Variants in DPP10 observed in about 807,000 individuals in gnomAD.
DPP10 encodes dipeptidyl peptidase like 10, also known as inactive dipeptidyl peptidase 10.
Under a neutral mutation model 120.9 loss-of-function variants are expected in DPP10, and 33 were observed. That is an observed-to-expected ratio of 0.27 (90% CI 0.21 to 0.37). The LOEUF (loss-of-function observed/expected upper bound fraction) is 0.37, where lower values mean the gene tolerates loss of function less well. Among genes scored for constraint, DPP10 ranks in the 10% least tolerant of loss-of-function variants. DPP10 has a pLI of 1.00. For synonymous variants in DPP10, 337 were observed against 326.1 expected, an observed-to-expected ratio of 1.03 and a Z score of -0.36; for missense variants, 816 against 942.8, an observed-to-expected ratio of 0.87 and a Z score of 1.76.
chr2:115,178,190 G>T (rs1023410740), intron 1 of DPP10, among the ~76,000 whole-genome samples: 5 of 151,864 alleles, frequency 3.3e-5, no homozygotes, highest in Admixed American at 3.3e-4. Context: ...TGTTTACTGT[G>T]CCCTTGCCTA....
chr2:115,635,654 A>G (rs1461061267), intron 5 of DPP10, among the ~76,000 whole-genome samples: 1 of 152,176 alleles, frequency 6.6e-6, no homozygotes, highest in Non-Finnish European at 1.5e-5. Flanking sequence ...TTTGATAAGA[A>G]AGGTTATTTG....
chr2:115,827,644 G>A (rs1688514235), intron 21 of DPP10, among the ~76,000 whole-genome samples: 1 of 151,348 alleles, frequency 6.6e-6, no homozygotes, highest in Non-Finnish European at 1.5e-5. Context: ...TGCCCAGGCT[G>A]GAGTGCAATG....
intron 1 of DPP10, among the ~76,000 whole-genome samples, chr2:114,748,360 T>TTA (rs1678818038): frequency 1.6e-5 from 2 of 126,786 alleles, no homozygotes; most frequent in Non-Finnish European, 3.3e-5. Context: ...TATTTTTTTT[T>TTA]ATTTTATTTA....
chr2:114,999,533 A>C (rs1334027311), intron 1 of DPP10, among the ~76,000 whole-genome samples: 1 of 152,150 alleles, frequency 6.6e-6, no homozygotes. Context: ...CTTTCTCCTC[A>C]CATTGTGCTC....
chr2:115,483,513 G>A (rs1344053000), intron 3 of DPP10, among the ~76,000 whole-genome samples: 1 of 151,322 alleles, frequency 6.6e-6, no homozygotes, highest in African/African-American at 2.4e-5. Flanking sequence ...GTGTCTGTGT[G>A]TGTAAAACTA....
intron 1 of DPP10, chr2:115,066,593 C>T (rs1348486154): frequency 6.6e-6 from 1 of 152,094 alleles, no homozygotes; most frequent in African/African-American, 2.4e-5. Flanking sequence ...GTTAGAATAA[C>T]ATATGGCACT....
intron 1 of DPP10, among the ~76,000 whole-genome samples, chr2:115,283,814 C>T (rs2060255332): frequency 2.0e-5 from 3 of 151,986 alleles, no homozygotes; most frequent in Non-Finnish European, 4.4e-5. Flanking sequence ...TTTTACTGTA[C>T]CTTTTTACAT....
intron 1 of DPP10, among the ~76,000 whole-genome samples, chr2:115,147,949 T>A (rs1484167858): frequency 2.0e-5 from 3 of 152,116 alleles, no homozygotes; most frequent in Non-Finnish European, 2.9e-5. Context: ...GTGTCAAGAC[T>A]TGGCAATTTG....
intron 1 of DPP10, among the ~76,000 whole-genome samples, chr2:115,165,265 T>C (rs1369041065): frequency 1.3e-5 from 2 of 152,222 alleles, no homozygotes; most frequent in African/African-American, 4.8e-5. Context: ...TTTTTATTCC[T>C]ATTTTAGAGA....
chr2:115,031,959 G>C (rs140623149), intron 1 of DPP10, among the ~76,000 whole-genome samples: 1 of 151,980 alleles, frequency 6.6e-6, no homozygotes, highest in Non-Finnish European at 1.5e-5. Context: ...TATTTTCAAT[G>C]TTTACTATGA....
rs150002229 is a variant in DPP10, at chr2:114,791,393, AG to A, written c.60+348556del. ...TAAACAAATGAATGCTGGAATGAGT[AG>A]AGGAAATAGTGCTTTGATTAATTTC... On this transcript the variant is annotated intron_variant, in intron 1 of 25. Coordinates refer to ENST00000410059, the MANE Select transcript of DPP10 (RefSeq NM_020868.6). Among the ~76,000 whole-genome samples, 415 of 152,330 alleles carry A rather than the reference AG, an allele frequency of 2.7e-3. 2 individuals are homozygous for A. The highest frequency in any genetic ancestry group is 9.3e-3 in the African/African-American group (387 of 41,572).
chr2:114,464,999 T>G (rs1275029142), intron 1 of DPP10, among the ~76,000 whole-genome samples: 1 of 152,236 alleles, frequency 6.6e-6, no homozygotes, highest in Non-Finnish European at 1.5e-5. Context: ...CTGTCAGAGT[T>G]GTCACACAGA....
At chr2:114,834,536 AT>A (rs1033563552) in intron 1 of DPP10, among the ~76,000 whole-genome samples, 1 of 151,146 alleles carries the variant, frequency 6.6e-6, no homozygotes, top group African/African-American at 2.4e-5. Flanking sequence ...CTACGCACCT[AT>A]GTATATATAA....
chr2:114,792,523 G>T lies in DPP10; in HGVS notation c.60+349685G>T, dbSNP rs140355989. On this transcript the variant is annotated intron_variant, in intron 1 of 25. Transcript: ENST00000410059. The stretch of plus-strand genomic sequence containing the variant: ...GGATATCTTCAAGCCTGCTTGCAAG[G>T]TTGGCCCTTGGCTGCCATCTGGGAA... Among the ~76,000 whole-genome samples, 361 of 152,304 alleles carry T rather than the reference G, an allele frequency of 2.4e-3. 6 individuals carry two copies. In the East Asian group the frequency reaches 0.042, roughly 18 times the overall value.
chr2:115,150,228 C>A (rs945287843), intron 1 of DPP10, among the ~76,000 whole-genome samples: 1 of 152,184 alleles, frequency 6.6e-6, no homozygotes, highest in Non-Finnish European at 1.5e-5. Context: ...CTCAGTCATT[C>A]GCCTAGCACA....
chr2:114,586,475 A>G (rs1690990316), intron 1 of DPP10, among the ~76,000 whole-genome samples: 1 of 152,254 alleles, frequency 6.6e-6, no homozygotes, highest in African/African-American at 2.4e-5. Context: ...AAATTGGGAA[A>G]TAAACTAGTA....
At chr2:115,757,376 T>G (rs1170041064) in intron 11 of DPP10, among the ~76,000 whole-genome samples, 1 of 151,980 alleles carries the variant, frequency 6.6e-6, no homozygotes, top group Non-Finnish European at 1.5e-5. Flanking sequence ...CAGTTCTGCA[T>G]GTCTGGGGAG....
chr2:115,208,144 G>T (rs1013416042), intron 1 of DPP10, among the ~76,000 whole-genome samples: 1 of 151,096 alleles, frequency 6.6e-6, no homozygotes, highest in African/African-American at 2.4e-5. Context: ...ATCAAAGCTA[G>T]AATCACAATC....
At chr2:114,938,555 C>G (rs1696655662) in intron 1 of DPP10, among the ~76,000 whole-genome samples, 1 of 152,048 alleles carries the variant, frequency 6.6e-6, no homozygotes, top group Admixed American at 6.6e-5. Flanking sequence ...ATGGAGATAT[C>G]TTTTTCCATT....
Sources: gnomAD v4.1 joint callset for allele counts (sites outside exome capture counted in the v4.1 genomes callset) on GRCh38, gnomAD v4.1.1 for gene constraint, MANE v1.5 for transcripts, NCBI Gene and HGNC (gene_info 2026-07-23, HGNC 2026-07-21) for gene names.